The following CNTN6 variants were observed in gnomAD, a reference collection of about 807,000 sequenced individuals.
CNTN6 encodes the protein contactin-6.
A neutral mutation model predicts 122.8 loss-of-function variants in CNTN6; 137 were observed. The observed-to-expected ratio is 1.12, with a 90% confidence interval of 0.97 to 1.29. The LOEUF is 1.29. CNTN6 is among the 50% of genes most tolerant of loss of function. The pLI is 0.00. For synonymous variants in CNTN6, 570 were observed against 426.0 expected, an observed-to-expected ratio of 1.34 and a Z score of -4.16; for missense variants, 1,634 against 1,223.4, an observed-to-expected ratio of 1.34 and a Z score of -5.01.
intron 2 of CNTN6, among the ~76,000 whole-genome samples, chr3:1,172,638 G>C (rs879855284): frequency 0.016 from 2,385 of 150,650 alleles, 68 homozygotes; most frequent in African/African-American, 0.053. Flanking sequence ...GTGTGTGTGT[G>C]TGTGTGTGTG....
chr3:1,347,340 G>C (rs1330734891), intron 11 of CNTN6, among the ~76,000 whole-genome samples: 1 of 152,122 alleles, frequency 6.6e-6, no homozygotes, highest in Non-Finnish European at 1.5e-5. Flanking sequence ...TTGAGGTTTG[G>C]TAATTTGGGG....
At chr3:1,212,078 T>A (rs926874373) in intron 2 of CNTN6, among the ~76,000 whole-genome samples, 1 of 152,162 alleles carries the variant, frequency 6.6e-6, no homozygotes, top group African/African-American at 2.4e-5. Flanking sequence ...TGCAGTCAGA[T>A]CATGGAATTA....
At chr3:1,383,951 T>C (rs984425811) in intron 19 of CNTN6, among the ~76,000 whole-genome samples, 2 of 146,858 alleles carry the variant, frequency 1.4e-5, no homozygotes, top group Non-Finnish European at 3.0e-5. Context: ...TTGTGTCTTA[T>C]GGAGAGGTGC....
intron 11 of CNTN6, among the ~76,000 whole-genome samples, chr3:1,341,155 C>T (rs1255712291): frequency 1.3e-5 from 2 of 151,738 alleles, no homozygotes; most frequent in Non-Finnish European, 2.9e-5. Flanking sequence ...AATGTGTTCT[C>T]CTCTAGTAAC....
At chr3:1,236,103 A>C (rs899010342) in intron 4 of CNTN6, among the ~76,000 whole-genome samples, 30 of 152,040 alleles carry the variant, frequency 2.0e-4, no homozygotes, top group Non-Finnish European at 4.4e-5. Flanking sequence ...CCTTATCCCT[A>C]TCCCAGTCTG....
intron 12 of CNTN6, among the ~76,000 whole-genome samples, chr3:1,360,026 A>G (rs1198045995): frequency 6.6e-6 from 1 of 152,076 alleles, no homozygotes; most frequent in East Asian, 1.9e-4. Context: ...CTGTTTCTTA[A>G]CATACTCCTT....
intron 7 of CNTN6, among the ~76,000 whole-genome samples, chr3:1,305,072 A>G (rs531451046): frequency 4.3e-4 from 66 of 151,948 alleles, no homozygotes; most frequent in Non-Finnish European, 7.5e-4. Flanking sequence ...AGTGTTTTCA[A>G]AAACATCAAA....
At chr3:1,296,568 A>G (rs945001550) in intron 6 of CNTN6, among the ~76,000 whole-genome samples, 3 of 152,184 alleles carry the variant, frequency 2.0e-5, no homozygotes, top group Admixed American at 6.5e-5. Context: ...TTGAAATGCA[A>G]TACCTCGTGG....
At chr3:1,124,747 T>A (rs1243489064) in intron 1 of CNTN6, among the ~76,000 whole-genome samples, 1 of 151,956 alleles carries the variant, frequency 6.6e-6, no homozygotes, top group Non-Finnish European at 1.5e-5. Flanking sequence ...CATCATCACC[T>A]GGTTTTACTT....
At chr3:1,329,056 A>G (rs558976388) in intron 10 of CNTN6, among the ~76,000 whole-genome samples, 6 of 151,544 alleles carry the variant, frequency 4.0e-5, no homozygotes, top group Admixed American at 2.0e-4. Context: ...TCAGATTGGT[A>G]TATATACATA....
At chr3:1,325,794 G>C (rs1430202603) in intron 8 of CNTN6, 21 bp from the exon 9 acceptor site, 1 of 1,607,606 alleles carries the variant, frequency 6.2e-7, no homozygotes, top group South Asian at 1.1e-5. Flanking sequence ...CCAAACAGTG[G>C]CACTTGCCTT....
chr3:1,333,291 G>A (rs1170474551), intron 11 of CNTN6, among the ~76,000 whole-genome samples: 1 of 151,994 alleles, frequency 6.6e-6, no homozygotes, highest in African/African-American at 2.4e-5. Flanking sequence ...GAGCACTAGA[G>A]ATAATGTATC....
intron 4 of CNTN6, among the ~76,000 whole-genome samples, chr3:1,247,827 A>G (rs561920352): frequency 1.8e-3 from 270 of 152,194 alleles, no homozygotes; most frequent in Middle Eastern, 6.8e-3. Flanking sequence ...TTAGGTATCT[A>G]TTAAGCCTTT....
chr3:1,329,853 G>T lies in CNTN6; in HGVS notation c.1282G>T (p.Val428Phe), dbSNP rs1268491544. Reference sequence around the variant, plus strand: ...TTTTGTTCAAGTTGGTGGGGATATTGTTATCGGATGCAAACCAAATGCTTT... The same window carrying T: ...TTTTGTTCAAGTTGGTGGGGATATTTTTATCGGATGCAAACCAAATGCTTT... ...KSFVQVGGDI[V>F]IGCKPNAFPR... Residue 428 changes from valine (V) to phenylalanine (F), a missense_variant, in exon 11 of 23, where the codon GTT (valine) becomes TTT (phenylalanine). Transcript: ENST00000446702. The T allele has an allele frequency of 1.2e-6, 2 of 1,611,072 alleles. No homozygotes were observed. Among genetic ancestry groups the T allele is most frequent in the African/African-American group, 2.7e-5 (2 of 74,686 alleles).
In CNTN6 at chr3:1,254,331, C is replaced by T. The variant is rs537260203; in HGVS notation, c.359-24082C>T. On this transcript the variant is annotated intron_variant, in intron 4 of 22. Transcript: ENST00000446702. The stretch of plus-strand genomic sequence containing the variant: ...TACAATTTCTTTGGCACCTTTTTCA[C>T]TCTACATTCAGTTTTTGAAATTCAG... 2.0e-5 allele frequency among the ~76,000 whole-genome samples: 3 copies of T among 152,188 alleles called. No homozygotes were observed. In the South Asian group the frequency reaches 6.2e-4, roughly 32 times the overall value.
chr3:1,373,866 C>A (rs1344031059), intron 15 of CNTN6, 58 bp from the exon 16 acceptor site: 11 of 1,488,892 alleles, frequency 7.4e-6, no homozygotes, highest in African/African-American at 2.8e-5. Flanking sequence ...TAATTTTGTA[C>A]AATTATTTGT....
intron 7 of CNTN6, among the ~76,000 whole-genome samples, chr3:1,299,130 CAT>C (rs1323226963): frequency 3.9e-5 from 6 of 152,174 alleles, no homozygotes; most frequent in Middle Eastern, 3.4e-3. Flanking sequence ...ATTTTATTTT[CAT>C]AGAGTATGGG....
intron 2 of CNTN6, among the ~76,000 whole-genome samples, chr3:1,212,048 C>A (rs1360801435): frequency 6.6e-6 from 1 of 151,902 alleles, no homozygotes; most frequent in Non-Finnish European, 1.5e-5. Context: ...CGTTAGATAC[C>A]AGTAGGTTAG....
chr3:1,188,921 G>A (rs577188030), intron 2 of CNTN6, among the ~76,000 whole-genome samples: 165 of 152,244 alleles, frequency 1.1e-3, no homozygotes, highest in African/African-American at 3.8e-3. Flanking sequence ...TTGCTTATCC[G>A]TCTAGCCTAG....
Sources: allele counts gnomAD v4.1 joint callset (sites outside exome capture counted in the v4.1 genomes callset), GRCh38; gene constraint gnomAD v4.1.1; transcripts MANE v1.5; gene names NCBI Gene and HGNC (gene_info 2026-07-23, HGNC 2026-07-21).